Variants in DYNC1H1 observed in about 807,000 individuals in gnomAD.
The protein encoded by DYNC1H1 is cytoplasmic dynein 1 heavy chain 1.
A neutral mutation model predicts 527.1 loss-of-function variants in DYNC1H1; 51 were observed. The ratio of observed to expected loss-of-function variants is 0.10; its 90% CI spans 0.08 to 0.12. DYNC1H1 has a LOEUF of 0.12. Ranked by LOEUF, DYNC1H1 falls within the 10% of genes least tolerant of loss-of-function variation. The probability of loss-of-function intolerance (pLI) is 1.00; values close to 1 mark genes in which losing one functional copy is unlikely to be tolerated. For synonymous variants in DYNC1H1, 2,189 were observed against 2,278.8 expected, an observed-to-expected ratio of 0.96 and a Z score of 1.12; for missense variants, 2,771 against 5,971.8, an observed-to-expected ratio of 0.46 and a Z score of 17.66.
At chr14:102,032,158 G>A in intron 51 of DYNC1H1, 114 bp from the exon 52 acceptor site, 1 of 1,273,558 alleles carries the variant, frequency 7.9e-7, no homozygotes, top group Non-Finnish European at 1.1e-6. Flanking sequence ...TAAGCAGCTA[G>A]CTGTCCTTTC....
chr14:101,986,569 A>T lies in DYNC1H1; in HGVS notation c.2344A>T (p.Ile782Phe). The change falls in exon 8 of 78, where the codon ATC becomes TTC. Residue 782 changes from isoleucine to phenylalanine, a missense_variant. Physicochemically the swap from Ile to Phe is conservative, Grantham distance 21. Transcript: ENST00000360184. The surrounding 1 kb of genome is among the most constrained non-coding windows in gnomAD (Gnocchi z 8.7). ...NQLYPFAISL[I>F]ESVRTYERTC... ...GCTTTACCCGTTTGCCATCTCACTG[A>T]TCGAGAGCGTTCGTACCTATGAACG... The T allele has an allele frequency of 6.2e-7, 1 of 1,614,112 alleles. No individual in the cohort carries two copies. The highest frequency in any genetic ancestry group is 8.5e-7 in the Non-Finnish European group (1 of 1,180,028).
rs368711932 is a variant in DYNC1H1, at chr14:102,016,721, G to T, written c.7615-45G>T. 5 of 1,596,460 alleles carry T rather than the reference G, an allele frequency of 3.1e-6. No homozygotes were observed. The African/African-American group carries it at 5.4e-5, about 17-fold the overall frequency. ...TCAGGTAAACAAACCTCGTGAGGAG[G>T]CACCTTGGTTGCAGCCGGACTCACA... On this transcript the variant is annotated intron_variant, in intron 37 of 77. Transcript: ENST00000360184. This position sits in a 1 kb window ranked among gnomAD's most constrained non-coding sequence, Gnocchi z 7.3.
chr14:102,001,776 T>C lies in DYNC1H1; in HGVS notation c.4542+95T>C. 6.4e-7 allele frequency: 1 copy of C among 1,555,540 alleles called. No homozygotes were observed. Among genetic ancestry groups the C allele is most frequent in the East Asian group, 2.3e-5 (1 of 44,034 alleles). Reference sequence around the variant, plus strand: ...CTGACAGTTACTAGGTACCTGTTTTTTATTGTATTTTTTGAGACAGGGTCT... The same window carrying C: ...CTGACAGTTACTAGGTACCTGTTTTCTATTGTATTTTTTGAGACAGGGTCT... On this transcript the variant is annotated intron_variant, in intron 21 of 77. Coordinates refer to ENST00000360184, the MANE Select transcript of DYNC1H1 (RefSeq NM_001376.5). This position sits in a 1 kb window ranked among gnomAD's most constrained non-coding sequence, Gnocchi z 5.0.
rs1567004002 is a variant in DYNC1H1 at position 101,997,016 on chromosome 14, T to C, written c.3565-19T>C. On this transcript the variant is annotated intron_variant, in intron 15 of 77. Transcript: ENST00000360184. This position sits in a 1 kb window ranked among gnomAD's most constrained non-coding sequence, Gnocchi z 4.8. ...TTGTTATAGAAGAAAAAACTTGATTTATTTTTTAACTCTCAAAGCTCTACC... is the reference window on the plus strand; with the variant it reads ...TTGTTATAGAAGAAAAAACTTGATTCATTTTTTAACTCTCAAAGCTCTACC... 1.1e-5 allele frequency: 17 copies of C among 1,608,044 alleles called. No individual in the cohort carries two copies. The highest frequency in any genetic ancestry group is 1.4e-5 in the Non-Finnish European group (17 of 1,176,806).
chr14:102,006,946 G>A, intron 27 of DYNC1H1, 62 bp from the exon 28 acceptor site: 15 of 1,562,856 alleles, frequency 9.6e-6, no homozygotes, highest in Non-Finnish European at 1.3e-5. Context: ...TTCTTTTAAA[G>A]CTAAAGATAT....
intron 2 of DYNC1H1, among the ~76,000 whole-genome samples, chr14:101,978,177 G>A (rs553954010): frequency 2.2e-4 from 34 of 152,310 alleles, no homozygotes; most frequent in African/African-American, 3.1e-4. Flanking sequence ...TCAACCTCCC[G>A]AGTAGCTGTG....
intron 10 of DYNC1H1, among the ~76,000 whole-genome samples, chr14:101,991,007 C>CAA (rs113053648): frequency 2.0e-4 from 14 of 68,418 alleles, no homozygotes; most frequent in African/African-American, 3.4e-4. Context: ...GACTCCGTCT[C>CAA]AAAAAAAAAA....
In DYNC1H1 at chr14:102,012,770, G is replaced by A. The variant is rs1304641900; in HGVS notation, c.7014+300G>A. ...GGTTGTCGTTAAGGTTTCTTAAGCT[G>A]TTATACATCTAGAGAGCTGGGAAAA... On this transcript the variant is annotated intron_variant, in intron 34 of 77. Transcript: ENST00000360184. This position sits in a 1 kb window ranked among gnomAD's most constrained non-coding sequence, Gnocchi z 4.9. The A allele has an allele frequency of 1.2e-5, 5 of 427,148 alleles. No individual in the cohort carries two copies. The highest frequency in any genetic ancestry group is 5.2e-5 in the East Asian group (1 of 19,244). The allele number at this position is 427,148 out of a possible 1,614,324, so 26.5% of individuals were successfully genotyped here.
rs904299731 is a variant in DYNC1H1, at chr14:101,983,881, G to C, written c.1461+272G>C. On this transcript the variant is annotated intron_variant, in intron 7 of 77. Coordinates refer to ENST00000360184, the MANE Select transcript of DYNC1H1 (RefSeq NM_001376.5). The surrounding 1 kb of genome is among the most constrained non-coding windows in gnomAD (Gnocchi z 5.3). Reference sequence around the variant, plus strand: ...TTGAGTAGAGACAGGCTTTTACCATGTTGGCCAGGCTGGTTTTGAACTGGC... The same window carrying C: ...TTGAGTAGAGACAGGCTTTTACCATCTTGGCCAGGCTGGTTTTGAACTGGC... 2.6e-5 allele frequency among the ~76,000 whole-genome samples: 4 copies of C among 152,082 alleles called. No homozygotes were observed. The highest frequency in any genetic ancestry group is 9.7e-5 in the African/African-American group (4 of 41,394).
chr14:102,044,380 T>A lies in DYNC1H1; in HGVS notation c.12791T>A (p.Leu4264Gln). 1 of 1,614,168 alleles carries A rather than the reference T, an allele frequency of 6.2e-7. No homozygotes were observed. The highest frequency in any genetic ancestry group is 8.5e-7 in the Non-Finnish European group (1 of 1,180,046). Residue 4264 changes from leucine to glutamine, a missense_variant, in exon 71 of 78, where the codon CTG (leucine) becomes CAG (glutamine). Leu to Gln is a moderately radical substitution (Grantham distance 113). Coordinates refer to ENST00000360184, the MANE Select transcript of DYNC1H1 (RefSeq NM_001376.5). The surrounding 1 kb of genome is among the most constrained non-coding windows in gnomAD (Gnocchi z 7.1). ...GTGGACAACGAGTTTGACCAGCGTC[T>A]GCTCAACACCTTCCTGGAGCGCCTG... ...GRVDNEFDQR[L>Q]LNTFLERLFT... is the part of the protein sequence containing the mutation.
Position 102,047,637 on chromosome 14 carries a change from G to GTATATA in DYNC1H1, c.13007-179_13007-178insATATAT, listed in dbSNP as rs1311727690. The GTATATA allele has an allele frequency of 2.3e-4, 89 of 394,208 alleles. 1 individual carries two copies. Among genetic ancestry groups the GTATATA allele is most frequent in the African/African-American group, 2.2e-3 (50 of 22,494 alleles). The allele number at this position is 394,208 out of a possible 1,614,324, so 24.4% of individuals were successfully genotyped here. A position where few individuals can be genotyped will look rare whatever the true frequency, so the allele number is the denominator to read the frequency against. Reference sequence around the variant, plus strand: ...TATATACACGTGTGTGTGTGTGTGTGTGTGTATATATATATATATATATAT... The same window carrying GTATATA: ...TATATACACGTGTGTGTGTGTGTGTGTATATATGTGTATATATATATATATATATAT... On this transcript the variant is annotated intron_variant, in intron 72 of 77. Transcript: ENST00000360184.
intron 27 of DYNC1H1, among the ~76,000 whole-genome samples, chr14:102,006,696 G>A (rs780809761): frequency 6.6e-6 from 1 of 151,832 alleles, no homozygotes; most frequent in Non-Finnish European, 1.5e-5. Flanking sequence ...TGCCTCCCGG[G>A]TTCAAGCGAT....
At chr14:102,046,616 T>G (rs2048723069) in intron 72 of DYNC1H1, among the ~76,000 whole-genome samples, 1 of 150,436 alleles carries the variant, frequency 6.6e-6, no homozygotes, top group Admixed American at 6.9e-5. Flanking sequence ...AGGGACACTG[T>G]GGTGACCAGT....
In DYNC1H1 at chr14:101,985,665, A is replaced by G; in HGVS notation, c.1462-22A>G. ...GCCTTCGTTTGGTCAGCATTTCTTG[A>G]TTACATATCTTTCTCCTTTAGGTCA... On this transcript the variant is annotated intron_variant, in intron 7 of 77. Coordinates refer to ENST00000360184, the MANE Select transcript of DYNC1H1 (RefSeq NM_001376.5). This position sits in a 1 kb window ranked among gnomAD's most constrained non-coding sequence, Gnocchi z 5.9. 1 of 1,613,552 alleles carries G rather than the reference A, an allele frequency of 6.2e-7. No individual in the cohort carries two copies. The highest frequency in any genetic ancestry group is 1.1e-5 in the South Asian group (1 of 91,066).
chr14:101,983,404 TTTTTCA>T lies in DYNC1H1; in HGVS notation c.1257_1262del (p.Phe420_Gln421del). On this transcript the variant is annotated inframe_deletion, in exon 7 of 78. Transcript: ENST00000360184. This position sits in a 1 kb window ranked among gnomAD's most constrained non-coding sequence, Gnocchi z 5.3. ...TAGGTTATGGTAGCATGCTTTGAAG[TTTTTCA>T]GACTTGGGATGATGAGTATGAGAAA... 1 of 1,614,136 alleles carries T rather than the reference TTTTTCA, an allele frequency of 6.2e-7. No homozygotes were observed. Among genetic ancestry groups the T allele is most frequent in the Non-Finnish European group, 8.5e-7 (1 of 1,180,034 alleles).
At chr14:101,981,900 A>G (rs1359135287) in intron 5 of DYNC1H1, among the ~76,000 whole-genome samples, 1 of 152,218 alleles carries the variant, frequency 6.6e-6, no homozygotes, top group Non-Finnish European at 1.5e-5. Context: ...TTAAATTTTA[A>G]TGTTTTCAAG....
intron 1 of DYNC1H1, among the ~76,000 whole-genome samples, chr14:101,970,105 A>T (rs532573815): frequency 1.3e-5 from 2 of 152,338 alleles, no homozygotes; most frequent in African/African-American, 4.8e-5. Context: ...GTAGATTTTT[A>T]AAAATTCTTT....
chr14:102,007,182 C>T (rs1298620273), intron 28 of DYNC1H1, 74 bp downstream of exon 28: 18 of 1,500,876 alleles, frequency 1.2e-5, no homozygotes, highest in Non-Finnish European at 1.6e-5. Context: ...AAGCTCCGTA[C>T]CTCTCTCAAA....
Position 102,036,731 on chromosome 14 carries a change from C to G in DYNC1H1, c.10908+89C>G. ...GCCTTTAGTTTTCAACTTTGTAAGA[C>G]TTCATTTTGTATCAGAAGGATAAAG... On this transcript the variant is annotated intron_variant, in intron 57 of 77. Coordinates refer to ENST00000360184, the MANE Select transcript of DYNC1H1 (RefSeq NM_001376.5). The surrounding 1 kb of genome is among the most constrained non-coding windows in gnomAD (Gnocchi z 5.6). 2 of 1,508,008 alleles carry G rather than the reference C, an allele frequency of 1.3e-6. No homozygotes were observed. Among genetic ancestry groups the G allele is most frequent in the Non-Finnish European group, 1.8e-6 (2 of 1,086,752 alleles). The allele number at this position is 1,508,008 out of a possible 1,614,324, so 93.4% of individuals were successfully genotyped here.
Sources: allele counts gnomAD v4.1 joint callset (sites outside exome capture counted in the v4.1 genomes callset), GRCh38; gene constraint gnomAD v4.1.1; non-coding constraint Gnocchi (gnomAD v3.1); transcripts MANE v1.5; gene names NCBI Gene and HGNC (gene_info 2026-07-23, HGNC 2026-07-21).